The following RPH3A variants were observed in gnomAD, a reference collection of about 807,000 sequenced individuals.
The protein encoded by RPH3A is rabphilin-3A.
A neutral mutation model predicts 102.2 loss-of-function variants in RPH3A; 48 were observed. The ratio of observed to expected loss-of-function variants is 0.47; its 90% CI spans 0.37 to 0.60. The LOEUF is 0.60. Ranked by LOEUF, RPH3A falls within the 20% of genes least tolerant of loss-of-function variation. RPH3A has a pLI of 0.00. For synonymous variants in RPH3A, 310 were observed against 324.3 expected, an observed-to-expected ratio of 0.96 and a Z score of 0.47; for missense variants, 781 against 910.1, an observed-to-expected ratio of 0.86 and a Z score of 1.83.
intron 1 of RPH3A, among the ~76,000 whole-genome samples, chr12:112,576,237 C>T (rs920886197): frequency 3.3e-5 from 5 of 152,334 alleles, no homozygotes; most frequent in South Asian, 4.1e-4. Context: ...CTCTTAACCA[C>T]GCTGCTGTGC....
Position 112,890,008 on chromosome 12 carries a change from G to A in RPH3A, c.1564-16G>A, listed in dbSNP as rs375006102. 12 of 1,612,316 alleles carry A rather than the reference G, an allele frequency of 7.4e-6. No homozygotes were observed. Among genetic ancestry groups the A allele is most frequent in the Non-Finnish European group, 1.0e-5 (12 of 1,179,174 alleles). On this transcript the variant is annotated splice_polypyrimidine_tract_variant and intron_variant, in intron 17 of 21. Transcript: ENST00000389385. ...CCATAGACAATGTTATCTTTTATTT[G>A]TTTTCTTCTTTTAAGATGAAACGTG... is the stretch of plus-strand genomic sequence containing the variant.
upstream of RPH3A, among the ~76,000 whole-genome samples, chr12:112,787,402 C>T (rs61942338): frequency 0.021 from 3,256 of 152,268 alleles, 62 homozygotes; most frequent in Non-Finnish European, 0.029. Context: ...CCCCATTCTC[C>T]CCCTCTTCCT....
intron 1 of RPH3A, among the ~76,000 whole-genome samples, chr12:112,727,404 A>T (rs56056511): frequency 0.24 from 31,010 of 129,608 alleles, 4,357 homozygotes; most frequent in East Asian, 0.41. Flanking sequence ...AAAAAAAAAA[A>T]AAATATATAT....
rs1038025511 is a variant in RPH3A at position 112,898,632 on chromosome 12, C to A, written c.*1852C>A. 3.3e-5 allele frequency: 5 copies of A among 152,252 alleles called. No homozygotes were observed. Among genetic ancestry groups the A allele is most frequent in the African/African-American group, 9.7e-5 (4 of 41,442 alleles). The allele number at this position is 152,252 out of a possible 1,614,324, so 9.4% of individuals were successfully genotyped here. ...CCTGGTGGCACCTACTCTCAGCCCA[C>A]CTCCCTCACCACAGTTTCCCCTTAG... On this transcript the variant is annotated 3_prime_UTR_variant, in exon 22 of 22. Coordinates refer to ENST00000389385, the MANE Select transcript of RPH3A (RefSeq NM_001143854.2).
intron 1 of RPH3A, among the ~76,000 whole-genome samples, chr12:112,730,018 C>T (rs1163378389): frequency 2.6e-5 from 4 of 152,116 alleles, no homozygotes; most frequent in Admixed American, 2.0e-4. Context: ...CACACACACA[C>T]ATACACACAC....
At chr12:112,681,793 G>A (rs1018356464) in intron 1 of RPH3A, among the ~76,000 whole-genome samples, 3 of 152,198 alleles carry the variant, frequency 2.0e-5, no homozygotes, top group African/African-American at 7.2e-5. Flanking sequence ...ACTTGGGCAA[G>A]CAGATAAAAG....
At position 112,868,581 on chromosome 12, in the gene RPH3A, G is replaced by A. The variant is rs145959125; in HGVS notation, c.596G>A (p.Arg199Gln). 1.2e-4 allele frequency: 187 copies of A among 1,613,800 alleles called. No individual in the cohort carries two copies. Among genetic ancestry groups the A allele is most frequent in the Non-Finnish European group, 1.4e-4 (163 of 1,179,932 alleles). Reference sequence around the variant, plus strand: ...GCTCCTGAGCCCAAGCACCCTGCCCGGGCTCCAGCTCGAGGTAGGACAAAA... The same window carrying A: ...GCTCCTGAGCCCAAGCACCCTGCCCAGGCTCCAGCTCGAGGTAGGACAAAA... The part of the protein sequence containing the change: ...QPAPEPKHPA[R>Q]APARGDSEDR... The change falls in exon 8 of 22, where the codon CGG (arginine) becomes CAG (glutamine). Residue 199 changes from arginine to glutamine, a missense_variant. Physicochemically the swap from Arg to Gln is conservative, Grantham distance 43. This residue lies in a region of RPH3A where 730 missense variants were observed against 810.0 expected (regional missense o/e 0.90). Transcript: ENST00000389385.
At chr12:112,694,341 G>A (rs2040329475) in intron 1 of RPH3A, among the ~76,000 whole-genome samples, 1 of 152,178 alleles carries the variant, frequency 6.6e-6, no homozygotes, top group African/African-American at 2.4e-5. Context: ...ACGAGGGGCA[G>A]TGACAAATGG....
At chr12:112,684,057 A>C (rs534611099) in intron 1 of RPH3A, among the ~76,000 whole-genome samples, 16 of 152,326 alleles carry the variant, frequency 1.1e-4, no homozygotes, top group Non-Finnish European at 1.9e-4. Flanking sequence ...ATAGGCATCT[A>C]TCTGTATCCA....
At chr12:112,812,974 C>G (rs567616253) in intron 2 of RPH3A, among the ~76,000 whole-genome samples, 20 of 152,348 alleles carry the variant, frequency 1.3e-4, no homozygotes, top group Admixed American at 8.5e-4. Flanking sequence ...ACTTCATCCT[C>G]TTTATTTAAC....
At chr12:112,795,144 A>G (rs938873204) in intron 2 of RPH3A, among the ~76,000 whole-genome samples, 1 of 152,066 alleles carries the variant, frequency 6.6e-6, no homozygotes, top group African/African-American at 2.4e-5. Flanking sequence ...AGGCTGTGAC[A>G]TTATGCTTTA....
chr12:112,771,717 A>G (rs960617944), intron 1 of RPH3A, among the ~76,000 whole-genome samples: 2 of 152,230 alleles, frequency 1.3e-5, no homozygotes, highest in African/African-American at 4.8e-5. Flanking sequence ...TATGCTTACC[A>G]ACACAATGTG....
At chr12:112,813,036 C>T (rs1217258212) in intron 2 of RPH3A, among the ~76,000 whole-genome samples, 1 of 152,200 alleles carries the variant, frequency 6.6e-6, no homozygotes, top group Non-Finnish European at 1.5e-5. Context: ...TCATTTAATC[C>T]TTTAACATCC....
At chr12:112,843,964 A>T (rs1445074441) in intron 4 of RPH3A, among the ~76,000 whole-genome samples, 2 of 152,138 alleles carry the variant, frequency 1.3e-5, no homozygotes, top group Non-Finnish European at 2.9e-5. Context: ...AGGCTGAGGG[A>T]TATTGGCACA....
At chr12:112,663,882 T>G (rs575172329) in intron 1 of RPH3A, among the ~76,000 whole-genome samples, 4 of 152,152 alleles carry the variant, frequency 2.6e-5, no homozygotes, top group Non-Finnish European at 5.9e-5. Context: ...CTCACTAGTT[T>G]TACTAGAACA....
chr12:112,635,915 C>T (rs986741282), intron 1 of RPH3A, among the ~76,000 whole-genome samples: 4 of 152,136 alleles, frequency 2.6e-5, no homozygotes, highest in Non-Finnish European at 5.9e-5. Flanking sequence ...TAACCCATGT[C>T]AACTTACAAA....
chr12:112,826,002 G>A (rs1445252778), intron 2 of RPH3A, among the ~76,000 whole-genome samples: 2 of 152,094 alleles, frequency 1.3e-5, no homozygotes, highest in East Asian at 3.8e-4. Context: ...TCAGGTAAAC[G>A]TGTGCCATAT....
intron 4 of RPH3A, among the ~76,000 whole-genome samples, chr12:112,840,409 C>T (rs1002227450): frequency 1.3e-5 from 2 of 152,100 alleles, no homozygotes; most frequent in Non-Finnish European, 2.9e-5. Flanking sequence ...CATTGTGCTA[C>T]CAAATATTAG....
In RPH3A at chr12:112,692,752, C is replaced by A. The variant is rs190148286; in HGVS notation, c.-139-99391C>A. ...GTTACCCTTGAATTTGTCCTTTTAG[C>A]TACATCCTCTTTGCCACAGTTTTTC... is the stretch of plus-strand genomic sequence containing the variant. On this transcript the variant is annotated intron_variant, in intron 1 of 21. Coordinates refer to the RPH3A transcript ENST00000543106. Among the ~76,000 whole-genome samples the A allele has an allele frequency of 1.2e-3, 179 of 152,336 alleles. 1 individual carries two copies. Among genetic ancestry groups the A allele is most frequent in the African/African-American group, 4.2e-3 (176 of 41,580 alleles).
Sources: gnomAD v4.1 joint callset for allele counts (sites outside exome capture counted in the v4.1 genomes callset) on GRCh38, gnomAD v4.1.1 for gene constraint, gnomAD v4.1.1 regional missense constraint, MANE v1.5 for transcripts, NCBI Gene and HGNC (gene_info 2026-07-23, HGNC 2026-07-21) for gene names.